The following FAM81A variants were observed in gnomAD, a reference collection of about 807,000 sequenced individuals.
FAM81A encodes the protein protein FAM81A.
Under a neutral mutation model 46.7 loss-of-function variants are expected in FAM81A, and 19 were observed. That is an observed-to-expected ratio of 0.41 (90% CI 0.28 to 0.60). The LOEUF (loss-of-function observed/expected upper bound fraction) is 0.60. Ranked by LOEUF, FAM81A falls within the 20% of genes least tolerant of loss-of-function variation. The pLI is 0.34. For synonymous variants in FAM81A, 183 were observed against 152.9 expected, an observed-to-expected ratio of 1.20 and a Z score of -1.45; for missense variants, 377 against 453.5, an observed-to-expected ratio of 0.83 and a Z score of 1.53.
At chr15:59,459,239 G>A (rs4628906) in intron 2 of FAM81A, among the ~76,000 whole-genome samples, 119,214 of 152,162 alleles carry the variant, frequency 0.78, 46,969 homozygotes, top group African/African-American at 0.86. Context: ...GGCTCAAGCA[G>A]TCCTCCCACC....
intron 2 of FAM81A, among the ~76,000 whole-genome samples, chr15:59,419,958 T>C (rs2081163786): frequency 6.6e-6 from 1 of 152,122 alleles, no homozygotes; most frequent in South Asian, 2.1e-4. Flanking sequence ...GCAGCTGGAA[T>C]GTATTTTGGG....
chr15:59,457,260 C>T (rs1232614316), intron 1 of FAM81A, among the ~76,000 whole-genome samples: 1 of 152,178 alleles, frequency 6.6e-6, no homozygotes, highest in Non-Finnish European at 1.5e-5. Flanking sequence ...GATCCTGCTC[C>T]CTCCTGCCCA....
At chr15:59,446,882 T>C (rs191485526) in intron 1 of FAM81A, among the ~76,000 whole-genome samples, 1 of 152,348 alleles carries the variant, frequency 6.6e-6, no homozygotes. Context: ...AAACTTCTTT[T>C]AACTAAACCA....
At chr15:59,421,729 G>GTCTGTCTGTCTATCTATCTATCTA (rs199854304) in intron 2 of FAM81A, among the ~76,000 whole-genome samples, 2 of 128,870 alleles carry the variant, frequency 1.6e-5, no homozygotes, top group Non-Finnish European at 3.3e-5. Flanking sequence ...CTGTCTGTCT[G>GTCTGTCTGTCTATCTATCTATCTA]TCTATCTATC....
intron 2 of FAM81A, among the ~76,000 whole-genome samples, chr15:59,421,863 T>G (rs2141553149): frequency 7.2e-6 from 1 of 139,150 alleles, no homozygotes; most frequent in Non-Finnish European, 1.5e-5. Flanking sequence ...GATTAAACCC[T>G]CAACCCTCTA....
chr15:59,498,788 G>A (rs572958955), intron 4 of FAM81A, among the ~76,000 whole-genome samples: 14 of 152,236 alleles, frequency 9.2e-5, no homozygotes, highest in African/African-American at 2.6e-4. Flanking sequence ...CCGAGTAGCC[G>A]GGATTACAGG....
Position 59,419,903 on chromosome 15 carries a change from C to T in FAM81A, c.-78+17545C>T, listed in dbSNP as rs1370802915. ...AAAAACAAAAAAACAAACAAAGAAA[C>T]CAAAAACCAACTACAGCTCTGCCCC... On this transcript the variant is annotated intron_variant, in intron 2 of 4. Transcript: ENST00000558348. 2.0e-5 allele frequency among the ~76,000 whole-genome samples: 3 copies of T among 152,148 alleles called. No homozygotes were observed. The East Asian group carries it at 5.8e-4, about 29-fold the overall frequency.
upstream of FAM81A, among the ~76,000 whole-genome samples, chr15:59,434,323 A>G (rs1295961999): frequency 2.0e-5 from 3 of 152,166 alleles, no homozygotes; most frequent in Admixed American, 2.0e-4. Flanking sequence ...AAAAACATCC[A>G]CTGGCCACTA....
intron 3 of FAM81A, among the ~76,000 whole-genome samples, chr15:59,470,140 A>G (rs1311868479): frequency 1.3e-5 from 2 of 152,082 alleles, no homozygotes; most frequent in African/African-American, 4.8e-5. Flanking sequence ...TGCCGTTAAC[A>G]CTTTTTCCTT....
chr15:59,401,759 G>A lies in FAM81A; in HGVS notation c.-160-517G>A, dbSNP rs1290347837. Reference sequence around the variant, plus strand: ...ATAGGCAGGTACTGCTCCCTGTGGAGTCTTTTCAGCATTTTTTTTTTTTTT... The same window carrying A: ...ATAGGCAGGTACTGCTCCCTGTGGAATCTTTTCAGCATTTTTTTTTTTTTT... On this transcript the variant is annotated intron_variant, in intron 1 of 4. Transcript: ENST00000558348. The A allele has an allele frequency of 5.6e-6, 4 of 714,918 alleles. No individual in the cohort carries two copies. The African/African-American group carries it at 8.8e-5, about 16-fold the overall frequency. The allele number at this position is 714,918 out of a possible 1,614,324, so 44.3% of individuals were successfully genotyped here.
At chr15:59,517,213 TACC>T (rs1241001619) in intron 8 of FAM81A, among the ~76,000 whole-genome samples, 1 of 152,158 alleles carries the variant, frequency 6.6e-6, no homozygotes, top group Non-Finnish European at 1.5e-5. Flanking sequence ...AGCAGTACAG[TACC>T]ACCCTGGCAA....
At position 59,404,505 on chromosome 15, in the gene FAM81A, G is replaced by A. The variant is rs1485714710; in HGVS notation, c.-78+2147G>A. 3.3e-5 allele frequency among the ~76,000 whole-genome samples: 5 copies of A among 152,092 alleles called. No individual in the cohort carries two copies. The East Asian group carries it at 9.6e-4, about 29-fold the overall frequency. On this transcript the variant is annotated intron_variant, in intron 2 of 4. Coordinates refer to the FAM81A transcript ENST00000558348. Reference sequence around the variant, plus strand: ...AGACACAGTCTCGCTCTGTTGCCCAGGCTGGAGAGCAGTGGAGCGACCATA... The same window carrying A: ...AGACACAGTCTCGCTCTGTTGCCCAAGCTGGAGAGCAGTGGAGCGACCATA...
At chr15:59,492,247 C>T in intron 3 of FAM81A, 24 bp from the exon 4 acceptor site, 3 of 1,555,448 alleles carry the variant, frequency 1.9e-6, no homozygotes, top group Non-Finnish European at 2.7e-6. Flanking sequence ...AGATGACTCC[C>T]TTAGTGTTTT....
intron 3 of FAM81A, among the ~76,000 whole-genome samples, chr15:59,490,588 T>C (rs368926499): frequency 2.6e-4 from 40 of 152,248 alleles, no homozygotes; most frequent in African/African-American, 9.4e-4. Flanking sequence ...TCCCAGCACT[T>C]TGGGAGGCCG....
Position 59,459,988 on chromosome 15 carries a change from T to C in FAM81A, c.76T>C (p.Ser26Pro). ...GTCCCTGACCATGGCACCATACTCA[T>C]CTGTAAGCCTCGTGGAGCAGCTGGA... is the stretch of plus-strand genomic sequence containing the variant. ...SQSLTMAPYS[S>P]VSLVEQLEDR... Residue 26 changes from serine to proline, a missense_variant, in exon 3 of 9, where the codon TCT (serine) becomes CCT (proline). Ser to Pro is a moderately conservative substitution (Grantham distance 74). Coordinates refer to ENST00000288228, the MANE Select transcript of FAM81A (RefSeq NM_152450.3). 1 of 1,612,640 alleles carries C rather than the reference T, an allele frequency of 6.2e-7. No individual in the cohort carries two copies. Among genetic ancestry groups the C allele is most frequent in the Non-Finnish European group, 8.5e-7 (1 of 1,179,298 alleles).
At chr15:59,467,725 G>A (rs1189046301) in intron 3 of FAM81A, among the ~76,000 whole-genome samples, 1 of 152,112 alleles carries the variant, frequency 6.6e-6, no homozygotes, top group East Asian at 1.9e-4. Context: ...GATTGCCCTG[G>A]CCAGAACTTC....
intron 2 of FAM81A, among the ~76,000 whole-genome samples, chr15:59,417,949 G>A (rs1209541744): frequency 3.9e-5 from 6 of 152,032 alleles, no homozygotes; most frequent in Non-Finnish European, 8.8e-5. Context: ...AGGCCCCGGT[G>A]TGTGATGTTC....
intron 1 of FAM81A, among the ~76,000 whole-genome samples, chr15:59,441,136 C>G (rs563200845): frequency 6.6e-6 from 1 of 152,222 alleles, no homozygotes; most frequent in Non-Finnish European, 1.5e-5. Flanking sequence ...AATCCACACT[C>G]TTCATTCTCT....
At chr15:59,466,499 G>A (rs573421121) in intron 3 of FAM81A, among the ~76,000 whole-genome samples, 1 of 152,182 alleles carries the variant, frequency 6.6e-6, no homozygotes, top group Non-Finnish European at 1.5e-5. Flanking sequence ...CTGCATAGAC[G>A]TCTTCTTTTG....
Sources: gnomAD v4.1 joint callset for allele counts (sites outside exome capture counted in the v4.1 genomes callset) on GRCh38, gnomAD v4.1.1 for gene constraint, MANE v1.5 for transcripts, NCBI Gene and HGNC (gene_info 2026-07-23, HGNC 2026-07-21) for gene names.